FOXK2: variants seen among roughly 807,000 people sequenced by gnomAD.
FOXK2 encodes the protein forkhead box K2.
A neutral mutation model predicts 53.3 loss-of-function variants in FOXK2; 24 were observed. That is an observed-to-expected ratio of 0.45 (90% CI 0.33 to 0.63). The LOEUF (loss-of-function observed/expected upper bound fraction) is 0.63, where lower values mean the gene tolerates loss of function less well. Among genes scored for constraint, FOXK2 ranks in the 30% least tolerant of loss-of-function variants. FOXK2 has a pLI of 0.03. For synonymous variants in FOXK2, 505 were observed against 407.1 expected (o/e 1.24, Z -2.89); for missense variants, 952 against 910.5 (o/e 1.05, Z -0.59).
rs146256884 is a variant in FOXK2 at position 82,595,333 on chromosome 17, G to C, written c.1787-5970G>C. On this transcript the variant is annotated intron_variant, in intron 8 of 8. Transcript: ENST00000335255. ...GCTTTTGTCTTGTTTTTTGAGAAAG[G>C]GTCTGTCACTCAGACTGGAGTGCAG... Among the ~76,000 whole-genome samples, 627 of 152,196 alleles carry C rather than the reference G, an allele frequency of 4.1e-3. 6 individuals are homozygous for C. The highest frequency in any genetic ancestry group is 0.014 in the African/African-American group (595 of 41,508).
chr17:82,564,701 C>T (rs551884703), intron 2 of FOXK2, among the ~76,000 whole-genome samples: 4 of 150,614 alleles, frequency 2.7e-5, no homozygotes, highest in South Asian at 4.2e-4. Flanking sequence ...GTAGAGAGCC[C>T]AGAAATAAAC....
intron 1 of FOXK2, 63 bp from the exon 2 acceptor site, chr17:82,563,291 G>A: frequency 6.6e-7 from 1 of 1,507,734 alleles, no homozygotes; most frequent in Non-Finnish European, 9.0e-7. Flanking sequence ...GGGACATGTG[G>A]GGACTCTGCC....
At chr17:82,540,569 A>G (rs1037645147) in intron 1 of FOXK2, among the ~76,000 whole-genome samples, 3 of 152,034 alleles carry the variant, frequency 2.0e-5, no homozygotes, top group African/African-American at 7.2e-5. Context: ...TGGAGTTGGC[A>G]CACTCCAGTC....
At chr17:82,586,982 C>T in intron 7 of FOXK2, 81 bp from the exon 8 acceptor site, 1 of 1,278,136 alleles carries the variant, frequency 7.8e-7, no homozygotes, top group Non-Finnish European at 1.1e-6. Context: ...TGATAGCTAT[C>T]TGGTTATTAT....
intron 7 of FOXK2, among the ~76,000 whole-genome samples, chr17:82,586,738 C>G (rs1484296678): frequency 2.0e-5 from 3 of 151,986 alleles, no homozygotes; most frequent in Non-Finnish European, 2.9e-5. Context: ...CCTGTCTCTA[C>G]TAAAAATACA....
At chr17:82,586,932 C>A in intron 7 of FOXK2, 131 bp from the exon 8 acceptor site, 2 of 839,052 alleles carry the variant, frequency 2.4e-6, no homozygotes, top group Admixed American at 2.6e-5. Context: ...TCATCTTTTT[C>A]TAATTTGCTG....
At chr17:82,579,142 A>G (rs1449835585) in intron 4 of FOXK2, among the ~76,000 whole-genome samples, 3 of 152,054 alleles carry the variant, frequency 2.0e-5, no homozygotes, top group Non-Finnish European at 4.4e-5. Flanking sequence ...TGGGATTGCC[A>G]TTTGCACTGC....
intron 1 of FOXK2, among the ~76,000 whole-genome samples, chr17:82,533,567 C>T (rs1441303936): frequency 6.6e-6 from 1 of 152,080 alleles, no homozygotes; most frequent in Non-Finnish European, 1.5e-5. Context: ...ATATTGTACG[C>T]GATCGTATGT....
intron 1 of FOXK2, among the ~76,000 whole-genome samples, chr17:82,528,526 AT>A (rs2044441067): frequency 6.6e-6 from 1 of 152,128 alleles, no homozygotes; most frequent in Non-Finnish European, 1.5e-5. Context: ...TTCATGAGGA[AT>A]TTTTGAATTT....
chr17:82,576,259 C>T (rs62078139), intron 4 of FOXK2, among the ~76,000 whole-genome samples: 4,294 of 133,730 alleles, frequency 0.032, 42 homozygotes, highest in African/African-American at 0.048. Context: ...CGTGTGTGCT[C>T]GGGTGGCGGC....
intron 4 of FOXK2, chr17:82,576,988 C>T (rs2044994872): frequency 2.6e-6 from 1 of 392,074 alleles, no homozygotes; most frequent in South Asian, 2.7e-5. Context: ...GGAGAAACTA[C>T]ATCTCTACTA....
chr17:82,587,612 T>C (rs1448592665), intron 8 of FOXK2: 2 of 375,270 alleles, frequency 5.3e-6, no homozygotes, highest in African/African-American at 2.1e-5. Flanking sequence ...TCGCGCGCCC[T>C]GTGGCCTGTG....
chr17:82,575,106 G>T (rs2044967387), intron 4 of FOXK2, among the ~76,000 whole-genome samples: 1 of 152,142 alleles, frequency 6.6e-6, no homozygotes, highest in African/African-American at 2.4e-5. Context: ...CTTCTTTCTA[G>T]AGATGACATA....
chr17:82,588,513 G>C (rs1269686881), intron 8 of FOXK2: 3 of 159,462 alleles, frequency 1.9e-5, no homozygotes, highest in Non-Finnish European at 4.1e-5. Flanking sequence ...TTGGCTTTCT[G>C]GTCTTAGTCA....
chr17:82,600,795 A>G (rs1472190787), intron 8 of FOXK2: 1 of 156,056 alleles, frequency 6.4e-6, no homozygotes, highest in African/African-American at 2.4e-5. Flanking sequence ...GGACAGATGG[A>G]GCCCCGCTCC....
At chr17:82,557,194 G>C (rs185769727) in intron 1 of FOXK2, among the ~76,000 whole-genome samples, 353 of 150,700 alleles carry the variant, frequency 2.3e-3, no homozygotes, top group African/African-American at 8.5e-3. Flanking sequence ...CACCACGCCT[G>C]GCTAATTTTG....
chr17:82,587,528 C>G (rs1478439329), intron 8 of FOXK2: 3 of 499,160 alleles, frequency 6.0e-6, no homozygotes, highest in Non-Finnish European at 7.3e-6. Context: ...ACTCTCGCCT[C>G]TTGTAGATTT....
chr17:82,533,022 C>T (rs1198227158), intron 1 of FOXK2, among the ~76,000 whole-genome samples: 1 of 152,196 alleles, frequency 6.6e-6, no homozygotes, highest in African/African-American at 2.4e-5. Flanking sequence ...TCACTGTCTT[C>T]TACCTCCACA....
Position 82,585,885 on chromosome 17 carries a change from C to CT in FOXK2, c.1280-18dup. The CT allele has an allele frequency of 6.2e-7, 1 of 1,600,376 alleles. No homozygotes were observed. Among genetic ancestry groups the CT allele is most frequent in the East Asian group, 2.3e-5 (1 of 43,482 alleles). ...AAGTCAGTATCTGTAAGTGTCAGTC[C>CT]TGCTGTGTCTTTCACCAGGGTCACC... On this transcript the variant is annotated intron_variant, in intron 6 of 8. Transcript: ENST00000335255.
Sources: gnomAD v4.1 joint callset for allele counts (sites outside exome capture counted in the v4.1 genomes callset) on GRCh38, gnomAD v4.1.1 for gene constraint, MANE v1.5 for transcripts, NCBI Gene and HGNC (gene_info 2026-07-23, HGNC 2026-07-21) for gene names.